DST: variants seen among roughly 807,000 people sequenced by gnomAD.
DST encodes the protein bullous pemphigoid antigen.
Under a neutral mutation model 875.2 loss-of-function variants are expected in DST, and 253 were observed. The observed-to-expected ratio is 0.29, with a 90% CI of 0.26 to 0.32. DST has a LOEUF of 0.32. DST is among the 10% of genes least tolerant of loss of function. The probability of loss-of-function intolerance (pLI) is 1.00; values close to 1 mark genes in which losing one functional copy is unlikely to be tolerated. For synonymous variants in DST, 3,124 were observed against 3,197.1 expected (o/e 0.98, Z 0.77); for missense variants, 8,287 against 9,111.6 (o/e 0.91, Z 3.68).
At chr6:56,799,546 G>A (rs2099744290) in intron 4 of DST, among the ~76,000 whole-genome samples, 1 of 151,492 alleles carries the variant, frequency 6.6e-6, no homozygotes, top group South Asian at 2.1e-4. Flanking sequence ...TAAAGATTAT[G>A]ACTCGCTGAA....
chr6:56,614,317 C>CTATTAT, intron 37 of DST, 39 bp downstream of exon 37: 1 of 1,541,242 alleles, frequency 6.5e-7, no homozygotes, highest in Non-Finnish European at 8.8e-7. Context: ...AACGTCCCTG[C>CTATTAT]TATTATTATT....
chr6:56,818,113 G>A (rs927052425), intron 4 of DST, among the ~76,000 whole-genome samples: 3 of 152,178 alleles, frequency 2.0e-5, no homozygotes, highest in African/African-American at 7.2e-5. Flanking sequence ...ACACAATTTT[G>A]CTGATACCTG....
intron 5 of DST, among the ~76,000 whole-genome samples, chr6:56,734,485 A>C (rs1383353486): frequency 6.6e-6 from 1 of 152,232 alleles, no homozygotes; most frequent in Non-Finnish European, 1.5e-5. Flanking sequence ...TAGAAACATG[A>C]CCTATTTCAA....
At chr6:56,879,674 T>C (rs1781179149) in intron 3 of DST, among the ~76,000 whole-genome samples, 1 of 152,212 alleles carries the variant, frequency 6.6e-6, no homozygotes, top group Admixed American at 6.5e-5. Flanking sequence ...TAGTATACCA[T>C]GATTAAATTT....
At chr6:56,519,964 G>A (rs2152494107) in intron 69 of DST, among the ~76,000 whole-genome samples, 1 of 152,262 alleles carries the variant, frequency 6.6e-6, no homozygotes, top group Non-Finnish European at 1.5e-5. Context: ...GCTTCAATGA[G>A]TACTTCTGAA....
chr6:56,884,196 A>T (rs1783560452), intron 3 of DST, among the ~76,000 whole-genome samples: 1 of 151,782 alleles, frequency 6.6e-6, no homozygotes, highest in Non-Finnish European at 1.5e-5. Flanking sequence ...CGGTTTATTC[A>T]CCCAAATAAG....
In DST at chr6:56,568,454, A is replaced by G. The variant is rs1018359637; in HGVS notation, c.14005+15T>C. ...GATTCTTAGTTTTTGCCATAAATGT[A>G]AATAAAGCTCATACCTGATTTAACT... On this transcript the variant is annotated intron_variant, in intron 55 of 103. Transcript: ENST00000680361. 1 of 1,580,516 alleles carries G rather than the reference A, an allele frequency of 6.3e-7. No individual in the cohort carries two copies.
intron 4 of DST, among the ~76,000 whole-genome samples, chr6:56,735,730 A>T (rs913608873): frequency 3.3e-5 from 5 of 152,268 alleles, no homozygotes; most frequent in African/African-American, 1.2e-4. Flanking sequence ...AGACTTGTTC[A>T]TGATTACCCA....
chr6:56,921,462 C>T (rs6909317), intron 2 of DST, among the ~76,000 whole-genome samples: 5,950 of 152,124 alleles, frequency 0.039, 396 homozygotes, highest in African/African-American at 0.14. Context: ...AAACAAATAT[C>T]GTGATTAGTA....
intron 4 of DST, among the ~76,000 whole-genome samples, chr6:56,736,257 A>C (rs140754686): frequency 4.6e-5 from 7 of 152,236 alleles, no homozygotes; most frequent in Admixed American, 6.5e-5. Flanking sequence ...CTAGATCTTT[A>C]CTGTGGACAG....
chr6:56,603,663 C>T lies in DST; in HGVS notation c.10842G>A (p.Glu3614=), dbSNP rs780368036. The change falls in exon 41 of 104, where the codon GAG becomes GAA. Residue 3614 remains glutamate (E), a synonymous_variant. Transcript: ENST00000680361. ...TCATATCTTGAAGCAATGTCAAATA[C>T]TCATGCATTTTTTCAGTGTGCTGTA... ...QCLQHTEKMH[E]YLTLLQDMKP... is the part of the protein sequence containing the mutation. 3 of 1,610,056 alleles carry T rather than the reference C, an allele frequency of 1.9e-6. No individual in the cohort carries two copies. Among genetic ancestry groups the T allele is most frequent in the Non-Finnish European group, 2.5e-6 (3 of 1,178,550 alleles).
In DST at chr6:56,631,887, T is replaced by C. The variant is rs761415447; in HGVS notation, c.3959A>G (p.Gln1320Arg). 1 of 1,613,958 alleles carries C rather than the reference T, an allele frequency of 6.2e-7. No homozygotes were observed. Among genetic ancestry groups the C allele is most frequent in the Non-Finnish European group, 8.5e-7 (1 of 1,179,874 alleles). ...LHESVFRITE[Q>R]EKLKKELERL... ...CAACATATTTATAGCTCTCACCTCC[T>C]GTTCTGTGATTCTGAACACACTTTC... Residue 1320 changes from glutamine (Q) to arginine (R), a missense_variant, in exon 29 of 104, where the codon CAG (glutamine) becomes CGG (arginine). This residue lies in a region of DST where 3,138 missense variants were observed against 3,116.6 expected (regional missense o/e 1.01). Transcript: ENST00000680361.
Position 56,458,901 on chromosome 6 carries a change from A to T in DST, c.*104T>A, listed in dbSNP as rs1378515666. The stretch of plus-strand genomic sequence containing the variant: ...AATAAGGCCATCTGCAGAATTTTAA[A>T]CTCGCCTCTTGCAATATTTCACAAG... On this transcript the variant is annotated 3_prime_UTR_variant, in exon 104 of 104. Transcript: ENST00000680361. The T allele has an allele frequency of 7.9e-7, 1 of 1,268,614 alleles. No individual in the cohort carries two copies. The highest frequency in any genetic ancestry group is 1.5e-5 in the African/African-American group (1 of 67,108). The allele number at this position is 1,268,614 out of a possible 1,614,324, so 78.6% of individuals were successfully genotyped here. A position where few individuals can be genotyped will look rare whatever the true frequency, so the allele number is the denominator to read the frequency against.
At chr6:56,929,646 A>G (rs979038230) in intron 2 of DST, among the ~76,000 whole-genome samples, 3 of 152,194 alleles carry the variant, frequency 2.0e-5, no homozygotes, top group Non-Finnish European at 1.5e-5. Context: ...TGATTTTTGA[A>G]TCACGTAAAT....
rs895993283 is a variant in DST, at chr6:56,851,746, A to C, written c.418-142T>G. 2.6e-6 allele frequency: 4 copies of C among 1,551,784 alleles called. No homozygotes were observed. The African/African-American group carries it at 5.5e-5, about 21-fold the overall frequency. On this transcript the variant is annotated intron_variant, in intron 3 of 103. Transcript: ENST00000680361. The stretch of plus-strand genomic sequence containing the variant: ...ATATCCTGCACCATCCTCGGAGCTG[A>C]GGGAATATGCAGAAACCAAAAAAAT...
rs201473642 is a variant in DST at position 56,607,741 on chromosome 6, C to A, written c.6887G>T (p.Arg2296Ile). 6.2e-7 allele frequency: 1 copy of A among 1,613,498 alleles called. No homozygotes were observed. The highest frequency in any genetic ancestry group is 2.2e-5 in the East Asian group (1 of 44,870). The change falls in exon 40 of 104, where the codon AGA becomes ATA. Residue 2296 changes from arginine to isoleucine, a missense_variant. Arg to Ile is a moderately conservative substitution (Grantham distance 97). Transcript: ENST00000680361. The stretch of plus-strand genomic sequence containing the variant: ...AAATTCTTCATCTATAGCACACTTT[C>A]TATTTTCAGGAGTCTCTTCATGTTC... ...EPEHEETPENRKCAIDEEFNE... is the reference protein window; with the variant it reads ...EPEHEETPENIKCAIDEEFNE...
chr6:56,656,230 G>A (rs28697933), intron 10 of DST, among the ~76,000 whole-genome samples: 2 of 152,196 alleles, frequency 1.3e-5, no homozygotes, highest in African/African-American at 2.4e-5. Flanking sequence ...ACACCCTTTC[G>A]AGGTTTCCTA....
At chr6:56,713,516 G>A (rs1323002966) in intron 5 of DST, among the ~76,000 whole-genome samples, 1 of 152,166 alleles carries the variant, frequency 6.6e-6, no homozygotes, top group Non-Finnish European at 1.5e-5. Flanking sequence ...GCCACTTGCT[G>A]GAATGGTTAC....
chr6:56,706,003 C>G (rs1352371400), intron 5 of DST, among the ~76,000 whole-genome samples: 1 of 152,154 alleles, frequency 6.6e-6, no homozygotes, highest in Admixed American at 6.5e-5. Flanking sequence ...TTTGAGCAAT[C>G]CTTGTTTAGA....
Sources: gnomAD v4.1 joint callset for allele counts (sites outside exome capture counted in the v4.1 genomes callset) on GRCh38, gnomAD v4.1.1 for gene constraint, gnomAD v4.1.1 regional missense constraint, MANE v1.5 for transcripts, NCBI Gene and HGNC (gene_info 2026-07-23, HGNC 2026-07-21) for gene names.